The following KCNK10 variants were observed in gnomAD, a reference collection of about 807,000 sequenced individuals.
The protein encoded by KCNK10 is potassium two pore domain channel subfamily K member 10.
Under a neutral mutation model 47.7 loss-of-function variants are expected in KCNK10, and 25 were observed. That is an observed-to-expected ratio of 0.52 (90% confidence interval 0.38 to 0.73). The LOEUF (loss-of-function observed/expected upper bound fraction) is 0.73. Among genes scored for constraint, KCNK10 ranks in the 30% least tolerant of loss-of-function variants. The pLI, the probability that KCNK10 is intolerant of heterozygous loss-of-function variation, is 0.00. For synonymous variants in KCNK10, 303 were observed against 285.6 expected, an observed-to-expected ratio of 1.06 and a Z score of -0.61; for missense variants, 563 against 714.5, an observed-to-expected ratio of 0.79 and a Z score of 2.42.
intron 1 of KCNK10, among the ~76,000 whole-genome samples, chr14:88,299,073 C>T (rs576463515): frequency 5.9e-5 from 9 of 152,280 alleles, no homozygotes; most frequent in South Asian, 2.1e-4. Flanking sequence ...CCGTAAGTAC[C>T]GAATACATGT....
chr14:88,180,671 T>C lies in KCNK10; in HGVS notation c.*4864A>G, dbSNP rs1566673312. 2.5e-6 allele frequency: 1 copy of C among 397,976 alleles called. No homozygotes were observed. Among genetic ancestry groups the C allele is most frequent in the Admixed American group, 4.4e-5 (1 of 22,716 alleles). 24.7% of individuals were successfully genotyped at this position (397,976 alleles called of 1,614,324 possible). On this transcript the variant is annotated 3_prime_UTR_variant, in exon 7 of 7. Transcript: ENST00000319231. ...CTGTGAAAATGATAATAACTTTCAG[T>C]AAAATCAGAGACACCTCTCATTTCT... is the stretch of plus-strand genomic sequence containing the variant.
chr14:88,303,141 T>C (rs1888137534), intron 1 of KCNK10, among the ~76,000 whole-genome samples: 1 of 152,110 alleles, frequency 6.6e-6, no homozygotes, highest in African/African-American at 2.4e-5. Flanking sequence ...CGACATAATA[T>C]CTGCTGATGT....
At position 88,260,652 on chromosome 14, in the gene KCNK10, C is replaced by G. The variant is rs1887083712; in HGVS notation, c.402+2550G>C. On this transcript the variant is annotated intron_variant, in intron 2 of 6. Transcript: ENST00000319231. This position sits in a 1 kb window ranked among gnomAD's most constrained non-coding sequence, Gnocchi z 4.5. Reference sequence around the variant, plus strand: ...AAAGTTACTCACCTCTTTAAGGAAACTGATGTTTCCTCCCCTGTAAAATGG... The same window carrying G: ...AAAGTTACTCACCTCTTTAAGGAAAGTGATGTTTCCTCCCCTGTAAAATGG... Among the ~76,000 whole-genome samples, 1 of 152,214 alleles carries G rather than the reference C, an allele frequency of 6.6e-6. No individual in the cohort carries two copies. The highest frequency in any genetic ancestry group is 1.5e-5 in the Non-Finnish European group (1 of 68,048).
intron 3 of KCNK10, among the ~76,000 whole-genome samples, chr14:88,232,386 T>C (rs1166314785): frequency 6.6e-6 from 1 of 152,232 alleles, no homozygotes; most frequent in Non-Finnish European, 1.5e-5. Context: ...TCCTAACTAG[T>C]GGAAAATTGC....
intron 2 of KCNK10, among the ~76,000 whole-genome samples, chr14:88,258,311 G>T (rs1566705261): frequency 6.9e-6 from 1 of 144,148 alleles, no homozygotes. Context: ...TTTTTTTCGA[G>T]ATGGAGTCTC....
chr14:88,316,230 C>G (rs532999815), intron 1 of KCNK10, among the ~76,000 whole-genome samples: 3 of 152,118 alleles, frequency 2.0e-5, no homozygotes, highest in African/African-American at 7.2e-5. Flanking sequence ...TGATTATGAC[C>G]CTTACTCCCT....
At chr14:88,209,836 T>C (rs918960179) in intron 4 of KCNK10, among the ~76,000 whole-genome samples, 14 of 152,258 alleles carry the variant, frequency 9.2e-5, no homozygotes, top group African/African-American at 3.4e-4. Context: ...CAATTCACAA[T>C]CAATAAATAT....
chr14:88,286,746 T>G (rs926540071), intron 1 of KCNK10, among the ~76,000 whole-genome samples: 5 of 151,980 alleles, frequency 3.3e-5, no homozygotes, highest in African/African-American at 9.7e-5. Flanking sequence ...ATAAAACCAT[T>G]AGATTTCATG....
At chr14:88,242,972 C>G (rs558924199) in intron 2 of KCNK10, among the ~76,000 whole-genome samples, 2 of 152,202 alleles carry the variant, frequency 1.3e-5, no homozygotes, top group Admixed American at 1.3e-4. Context: ...TCAAGTCTCA[C>G]GGTGCTGAGA....
intron 1 of KCNK10, among the ~76,000 whole-genome samples, chr14:88,315,795 G>T (rs1281782126): frequency 1.3e-5 from 2 of 152,058 alleles, no homozygotes; most frequent in African/African-American, 4.8e-5. Flanking sequence ...CCACCACACT[G>T]GGTAGTTGAG....
At chr14:88,304,493 T>C (rs1433118363) in intron 1 of KCNK10, among the ~76,000 whole-genome samples, 3 of 152,246 alleles carry the variant, frequency 2.0e-5, no homozygotes, top group African/African-American at 4.8e-5. Context: ...TCTGCAGTCA[T>C]TCGCAGTCAT....
At chr14:88,224,774 A>C (rs1436427730) in intron 4 of KCNK10, among the ~76,000 whole-genome samples, 1 of 152,076 alleles carries the variant, frequency 6.6e-6, no homozygotes, top group East Asian at 1.9e-4. Flanking sequence ...CGTGCCCTGC[A>C]AATTTTTGTA....
In KCNK10 at chr14:88,271,024, G is replaced by C. The variant is rs547033979; in HGVS notation, c.53-7473C>G. 4.3e-5 allele frequency: 24 copies of C among 554,220 alleles called. No individual in the cohort carries two copies. The South Asian group carries it at 5.0e-4, about 11-fold the overall frequency. 34.3% of individuals were successfully genotyped at this position (554,220 alleles called of 1,614,324 possible). A position where few individuals can be genotyped will look rare whatever the true frequency, so the allele number is the denominator to read the frequency against. Reference sequence around the variant, plus strand: ...GCCAAACCCAGCAGCACCCAGACCCGCTCACACCTGTCCCAGAGAAACAGG... The same window carrying C: ...GCCAAACCCAGCAGCACCCAGACCCCCTCACACCTGTCCCAGAGAAACAGG... On this transcript the variant is annotated intron_variant, in intron 1 of 6. Transcript: ENST00000319231.
At chr14:88,242,187 T>A (rs1234854200) in intron 2 of KCNK10, among the ~76,000 whole-genome samples, 1 of 152,236 alleles carries the variant, frequency 6.6e-6, no homozygotes, top group East Asian at 1.9e-4. Flanking sequence ...AAAACAGGCA[T>A]ACAGTGGTTG....
At chr14:88,228,739 T>C (rs1413542619) in intron 3 of KCNK10, among the ~76,000 whole-genome samples, 1 of 152,208 alleles carries the variant, frequency 6.6e-6, no homozygotes, top group Non-Finnish European at 1.5e-5. Context: ...GTCACCTGGA[T>C]ACTTTCTTTT....
At chr14:88,245,459 C>T (rs751845884) in intron 2 of KCNK10, among the ~76,000 whole-genome samples, 8 of 152,144 alleles carry the variant, frequency 5.3e-5, no homozygotes, top group Non-Finnish European at 8.8e-5. Flanking sequence ...GGACCCCTCA[C>T]AGGACCCCCC....
intron 2 of KCNK10, among the ~76,000 whole-genome samples, chr14:88,252,116 T>C (rs187505924): frequency 6.6e-6 from 1 of 152,096 alleles, no homozygotes; most frequent in Non-Finnish European, 1.5e-5. Context: ...GGTTTTGCCA[T>C]GTTGCCCAGG....
intron 1 of KCNK10, among the ~76,000 whole-genome samples, chr14:88,274,152 G>T (rs1230362985): frequency 6.7e-6 from 1 of 148,956 alleles, no homozygotes; most frequent in Admixed American, 6.8e-5. Flanking sequence ...TTCTTTCCCT[G>T]GCCTCCAATG....
chr14:88,306,295 A>G (rs1303190061), intron 1 of KCNK10, among the ~76,000 whole-genome samples: 1 of 152,210 alleles, frequency 6.6e-6, no homozygotes, highest in Non-Finnish European at 1.5e-5. Context: ...TTCAGGGGCC[A>G]ATTTCCACTA....
Sources: gnomAD v4.1 joint callset for allele counts (sites outside exome capture counted in the v4.1 genomes callset) on GRCh38, gnomAD v4.1.1 for gene constraint, Gnocchi (gnomAD v3.1) non-coding constraint, MANE v1.5 for transcripts, NCBI Gene and HGNC (gene_info 2026-07-23, HGNC 2026-07-21) for gene names.